SGPP2: variants seen among roughly 807,000 people sequenced by gnomAD.
SGPP2 encodes sphingosine 1-phosphate phosphohydrolase 2.
SGPP2 carries 30 observed loss-of-function variants against 33.9 expected under a neutral mutation model. That is an observed-to-expected ratio of 0.89 (90% CI 0.66 to 1.20). The LOEUF (loss-of-function observed/expected upper bound fraction) is 1.20. SGPP2 is among the 50% of genes most tolerant of loss of function. SGPP2 has a pLI of 0.00. For synonymous variants in SGPP2, 233 were observed against 225.0 expected, an observed-to-expected ratio of 1.04 and a Z score of -0.32; for missense variants, 458 against 532.1, an observed-to-expected ratio of 0.86 and a Z score of 1.37.
At chr2:222,481,178 C>A (rs1364714509) in intron 2 of SGPP2, among the ~76,000 whole-genome samples, 1 of 152,094 alleles carries the variant, frequency 6.6e-6, no homozygotes, top group Non-Finnish European at 1.5e-5. Context: ...GTGCAGCAAA[C>A]CAAAATGGCA....
In SGPP2 at chr2:222,477,027, GTATA is replaced by G. The variant is rs1283276799; in HGVS notation, c.378+2305_378+2308del. Among the ~76,000 whole-genome samples the G allele has an allele frequency of 6.6e-6, 1 of 151,602 alleles. No homozygotes were observed. The highest frequency in any genetic ancestry group is 1.5e-5 in the Non-Finnish European group (1 of 67,894). On this transcript the variant is annotated intron_variant, in intron 2 of 4. Coordinates refer to ENST00000321276, the MANE Select transcript of SGPP2 (RefSeq NM_152386.4). This position sits in a 1 kb window ranked among gnomAD's most constrained non-coding sequence, Gnocchi z 6.0. ...TTTATGTGTGTATGTATATAGGTGT[GTATA>G]TATGTGTATGTGTGTATAGGTGTGT...
intron 1 of SGPP2, among the ~76,000 whole-genome samples, chr2:222,453,286 T>G (rs558421647): frequency 4.9e-4 from 74 of 152,328 alleles, no homozygotes; most frequent in African/African-American, 1.4e-3. Flanking sequence ...ACAAGCTGGA[T>G]TCACACTCAT....
At chr2:222,438,637 G>C (rs1697280377) in intron 1 of SGPP2, among the ~76,000 whole-genome samples, 2 of 152,314 alleles carry the variant, frequency 1.3e-5, no homozygotes, top group South Asian at 4.1e-4. Flanking sequence ...ACCATGTCTG[G>C]TACAGCAACT....
chr2:222,537,033 G>A (rs192171969), intron 4 of SGPP2, among the ~76,000 whole-genome samples: 11 of 152,278 alleles, frequency 7.2e-5, no homozygotes, highest in East Asian at 3.9e-4. Context: ...AGAAGAATCC[G>A]AAGTATTTAA....
intron 1 of SGPP2, among the ~76,000 whole-genome samples, chr2:222,447,427 T>C (rs148212341): frequency 6.6e-6 from 1 of 152,328 alleles, no homozygotes; most frequent in Non-Finnish European, 1.5e-5. Context: ...TAGTGTCCGG[T>C]AAGCAATTAA....
At chr2:222,529,197 A>T (rs1435859813) in intron 4 of SGPP2, among the ~76,000 whole-genome samples, 1 of 152,216 alleles carries the variant, frequency 6.6e-6, no homozygotes, top group Non-Finnish European at 1.5e-5. Flanking sequence ...CCTGGAGTAG[A>T]TTCCATCTGA....
intron 2 of SGPP2, among the ~76,000 whole-genome samples, chr2:222,509,551 CACTT>C (rs1464760917): frequency 2.0e-5 from 3 of 152,174 alleles, no homozygotes; most frequent in Non-Finnish European, 2.9e-5. Context: ...GGTATGTACT[CACTT>C]CAGTGCCCTG....
intron 2 of SGPP2, among the ~76,000 whole-genome samples, chr2:222,512,267 T>C (rs1698541345): frequency 6.6e-6 from 1 of 152,186 alleles, no homozygotes; most frequent in African/African-American, 2.4e-5. Flanking sequence ...TGCCTCGGCC[T>C]CCCAAAGTAC....
At chr2:222,515,020 TA>T (rs540896338) in intron 2 of SGPP2, among the ~76,000 whole-genome samples, 2,578 of 140,896 alleles carry the variant, frequency 0.018, 21 homozygotes, top group African/African-American at 0.042. Context: ...ATTCTTTCAT[TA>T]AAAAAAAAAA....
intron 4 of SGPP2, among the ~76,000 whole-genome samples, chr2:222,553,622 C>T (rs968524100): frequency 6.6e-6 from 1 of 152,170 alleles, no homozygotes; most frequent in African/African-American, 2.4e-5. Context: ...GAGAACGTTT[C>T]CCATTCAAAT....
intron 1 of SGPP2, among the ~76,000 whole-genome samples, chr2:222,468,393 A>T (rs1394538607): frequency 1.3e-5 from 2 of 152,032 alleles, no homozygotes; most frequent in African/African-American, 2.4e-5. Flanking sequence ...GTAAAAAAAA[A>T]AAAAAATTGT....
At chr2:222,526,584 G>C (rs6732792) in intron 4 of SGPP2, among the ~76,000 whole-genome samples, 4,617 of 152,150 alleles carry the variant, frequency 0.03, 96 homozygotes, top group African/African-American at 0.055. Context: ...TTTTATCTGG[G>C]GCTACTGTTT....
chr2:222,533,035 A>G (rs1165811987), intron 4 of SGPP2, among the ~76,000 whole-genome samples: 1 of 152,178 alleles, frequency 6.6e-6, no homozygotes, highest in Non-Finnish European at 1.5e-5. Context: ...TTCTATGTGA[A>G]GTGATAATTT....
chr2:222,555,096 A>G (rs192884363), intron 4 of SGPP2, among the ~76,000 whole-genome samples: 11 of 152,266 alleles, frequency 7.2e-5, no homozygotes, highest in Admixed American at 5.9e-4. Flanking sequence ...TTATCTAAAT[A>G]GAACCATACA....
At chr2:222,450,359 A>G (rs546801622) in intron 1 of SGPP2, among the ~76,000 whole-genome samples, 19 of 152,370 alleles carry the variant, frequency 1.2e-4, no homozygotes, top group Middle Eastern at 3.4e-3. Context: ...TAGCAGCAGC[A>G]TAGCCATTTG....
At chr2:222,522,059 A>C in intron 3 of SGPP2, 113 bp downstream of exon 3, 1 of 963,670 alleles carries the variant, frequency 1.0e-6, no homozygotes, top group Non-Finnish European at 1.5e-6. Context: ...TATGAAATAA[A>C]GATTAAGAGA....
Position 222,506,375 on chromosome 2 carries a change from A to G in SGPP2, c.379-15392A>G, listed in dbSNP as rs143370235. On this transcript the variant is annotated intron_variant, in intron 2 of 4. Transcript: ENST00000321276. ...AAGCAGAAAAAAGCTATGCAATTAC[A>G]AGAAAAGCTATGAAATTACTTGATA... Among the ~76,000 whole-genome samples the G allele has an allele frequency of 8.5e-4, 129 of 152,358 alleles. 1 individual carries two copies. In the East Asian group the frequency reaches 0.025, roughly 29 times the overall value.
At chr2:222,461,871 T>C (rs1387077743) in intron 1 of SGPP2, among the ~76,000 whole-genome samples, 1 of 152,084 alleles carries the variant, frequency 6.6e-6, no homozygotes, top group East Asian at 1.9e-4. Context: ...TATTCGTTTA[T>C]CTCAACCACA....
chr2:222,484,011 C>T lies in SGPP2; in HGVS notation c.378+9285C>T, dbSNP rs571456117. On this transcript the variant is annotated intron_variant, in intron 2 of 4. Coordinates refer to ENST00000321276, the MANE Select transcript of SGPP2 (RefSeq NM_152386.4). Reference sequence around the variant, plus strand: ...TCTGAAGTGGAATCTGTAATTTAGCCTTAGTTAAATATTAAGTAAATGTCT... The same window carrying T: ...TCTGAAGTGGAATCTGTAATTTAGCTTTAGTTAAATATTAAGTAAATGTCT... 4.6e-5 allele frequency among the ~76,000 whole-genome samples: 7 copies of T among 152,164 alleles called. No homozygotes were observed. In the South Asian group the frequency reaches 1.2e-3, roughly 27 times the overall value.
Sources: gnomAD v4.1 joint callset for allele counts (sites outside exome capture counted in the v4.1 genomes callset) on GRCh38, gnomAD v4.1.1 for gene constraint, Gnocchi (gnomAD v3.1) non-coding constraint, MANE v1.5 for transcripts, NCBI Gene and HGNC (gene_info 2026-07-23, HGNC 2026-07-21) for gene names.